The following EIF2S1 variants were observed in gnomAD, a reference collection of about 807,000 sequenced individuals.
The protein encoded by EIF2S1 is eukaryotic translation initiation factor 2 subunit alpha.
EIF2S1 carries 5 observed loss-of-function variants against 33.5 expected under a neutral mutation model. The ratio of observed to expected loss-of-function variants is 0.15; its 90% confidence interval spans 0.08 to 0.31. The LOEUF is 0.31. Among genes scored for constraint, EIF2S1 ranks in the 10% least tolerant of loss-of-function variants. The pLI is 1.00. For synonymous variants in EIF2S1, 99 were observed against 127.5 expected (o/e 0.78, Z 1.51); for missense variants, 191 against 384.6 (o/e 0.50, Z 4.21).
chr14:67,362,951 A>G (rs1478774191), intron 1 of EIF2S1, among the ~76,000 whole-genome samples: 5 of 152,138 alleles, frequency 3.3e-5, no homozygotes, highest in African/African-American at 7.2e-5. Context: ...AATAGTATTC[A>G]TAGTCATATC....
Position 67,368,411 on chromosome 14 carries a change from C to T in EIF2S1, c.241+3403C>T, listed in dbSNP as rs143946193. Among the ~76,000 whole-genome samples the T allele has an allele frequency of 4.5e-3, 692 of 152,182 alleles. 1 individual carries two copies. The highest frequency in any genetic ancestry group is 8.1e-3 in the African/African-American group (337 of 41,516). ...CCTTTGCTGACTCCTCCCCACCTGACGGAGGGGCAGTCTCTCCACAAATGT... is the reference window on the plus strand; with the variant it reads ...CCTTTGCTGACTCCTCCCCACCTGATGGAGGGGCAGTCTCTCCACAAATGT... On this transcript the variant is annotated intron_variant, in intron 2 of 7. Transcript: ENST00000256383.
chr14:67,378,593 C>T (rs1318369833), intron 4 of EIF2S1, among the ~76,000 whole-genome samples: 10 of 152,150 alleles, frequency 6.6e-5, no homozygotes, highest in Admixed American at 6.5e-4. Context: ...ATATTTCTGT[C>T]CTGCAGTCCT....
intron 2 of EIF2S1, among the ~76,000 whole-genome samples, chr14:67,366,758 A>C (rs2085781286): frequency 6.6e-6 from 1 of 152,010 alleles, no homozygotes; most frequent in Non-Finnish European, 1.5e-5. Context: ...AAGTATGAAA[A>C]ATAACTACCT....
In EIF2S1 at chr14:67,383,689, G is replaced by T; in HGVS notation, c.*249G>T. ...CATTTCACTAGAGACAAATCTTTAA[G>T]AATAGTTCTAAAATTGGGCTTGTGA... On this transcript the variant is annotated 3_prime_UTR_variant, in exon 8 of 8. Coordinates refer to ENST00000256383, the MANE Select transcript of EIF2S1 (RefSeq NM_004094.5). The T allele has an allele frequency of 2.4e-6, 1 of 418,348 alleles. No homozygotes were observed. Among genetic ancestry groups the T allele is most frequent in the Non-Finnish European group, 4.4e-6 (1 of 227,112 alleles). 25.9% of individuals were successfully genotyped at this position (418,348 alleles called of 1,614,324 possible). A position where few individuals can be genotyped will look rare whatever the true frequency, so the allele number is the denominator to read the frequency against.
At chr14:67,380,837 C>T (rs2085884147) in intron 5 of EIF2S1, 72 bp downstream of exon 5, 1 of 757,794 alleles carries the variant, frequency 1.3e-6, no homozygotes, top group Non-Finnish European at 2.0e-6. Flanking sequence ...ATGAGACTTA[C>T]CAAAGAATAT....
chr14:67,365,097 TA>T (rs879002099), intron 2 of EIF2S1, 89 bp downstream of exon 2: 13,054 of 1,181,280 alleles, frequency 0.011, 2 homozygotes, highest in South Asian at 0.014. Context: ...AGCTGCAGCT[TA>T]AAAAAAAAAG....
chr14:67,375,528 T>C (rs1294214169), intron 3 of EIF2S1, among the ~76,000 whole-genome samples: 1 of 113,540 alleles, frequency 8.8e-6, no homozygotes, highest in African/African-American at 5.1e-5. Context: ...AGATAAAATA[T>C]CAAAAAAAAA....
intron 1 of EIF2S1, among the ~76,000 whole-genome samples, chr14:67,363,772 A>G (rs564020517): frequency 6.6e-6 from 1 of 152,340 alleles, no homozygotes; most frequent in African/African-American, 2.4e-5. Context: ...GCAGGTGCCA[A>G]TTAATAAGTT....
intron 2 of EIF2S1, among the ~76,000 whole-genome samples, chr14:67,368,175 G>T (rs988773550): frequency 2.6e-5 from 4 of 152,178 alleles, no homozygotes; most frequent in African/African-American, 9.7e-5. Context: ...GCTTTTGTTG[G>T]AGTTTCTGCA....
intron 2 of EIF2S1, among the ~76,000 whole-genome samples, chr14:67,366,157 G>A (rs902150491): frequency 6.6e-6 from 1 of 150,456 alleles, no homozygotes; most frequent in African/African-American, 2.5e-5. Flanking sequence ...ATCATAGGTC[G>A]CTGCAGCCTT....
chr14:67,374,094 T>A (rs1374631936), intron 2 of EIF2S1, among the ~76,000 whole-genome samples: 1 of 152,184 alleles, frequency 6.6e-6, no homozygotes, highest in Non-Finnish European at 1.5e-5. Flanking sequence ...ATCTCTCATC[T>A]TGTACAGATT....
chr14:67,363,327 G>A (rs189524955), intron 1 of EIF2S1, among the ~76,000 whole-genome samples: 4 of 151,400 alleles, frequency 2.6e-5, no homozygotes, highest in Non-Finnish European at 5.9e-5. Flanking sequence ...TAGGGATTTT[G>A]TATTCCCTAC....
chr14:67,373,716 T>G (rs2085839670), intron 2 of EIF2S1, among the ~76,000 whole-genome samples: 1 of 152,124 alleles, frequency 6.6e-6, no homozygotes, highest in African/African-American at 2.4e-5. Flanking sequence ...TGGGGGGCGC[T>G]GTGGGAAAGA....
At chr14:67,381,154 T>C (rs1469892513) in intron 5 of EIF2S1, among the ~76,000 whole-genome samples, 1 of 152,220 alleles carries the variant, frequency 6.6e-6, no homozygotes, top group African/African-American at 2.4e-5. Context: ...CATAGGAATC[T>C]TTCTCATTCT....
chr14:67,366,575 G>C (rs528275991), intron 2 of EIF2S1, among the ~76,000 whole-genome samples: 9 of 152,320 alleles, frequency 5.9e-5, no homozygotes, highest in Admixed American at 5.9e-4. Context: ...GTACAAATGC[G>C]TGCAATGCAA....
At chr14:67,364,580 T>C in intron 1 of EIF2S1, 187 bp from the exon 2 acceptor site, 2 of 546,646 alleles carry the variant, frequency 3.7e-6, no homozygotes, top group Non-Finnish European at 3.1e-6. Context: ...AAATAAAAAT[T>C]AAAGCTTGGT....
In EIF2S1 at chr14:67,383,493, T is replaced by C; in HGVS notation, c.*53T>C. 6.2e-7 allele frequency: 1 copy of C among 1,604,436 alleles called. No individual in the cohort carries two copies. Among genetic ancestry groups the C allele is most frequent in the Non-Finnish European group, 8.5e-7 (1 of 1,174,120 alleles). ...GGAACACAGAGCAGCGCTTCCTGGC[T>C]GTAAATCCTAGACTTGAAAGTTTTC... On this transcript the variant is annotated 3_prime_UTR_variant, in exon 8 of 8. Coordinates refer to ENST00000256383, the MANE Select transcript of EIF2S1 (RefSeq NM_004094.5).
At chr14:67,374,186 A>G (rs1297059065) in intron 2 of EIF2S1, among the ~76,000 whole-genome samples, 1 of 152,202 alleles carries the variant, frequency 6.6e-6, no homozygotes, top group African/African-American at 2.4e-5. Flanking sequence ...GGAAATGTTC[A>G]TTGGAGCATT....
chr14:67,364,427 A>G, intron 1 of EIF2S1: 1 of 189,800 alleles, frequency 5.3e-6, no homozygotes, highest in Non-Finnish European at 1.1e-5. Flanking sequence ...CCATCATTTG[A>G]TATGCCTTAA....
Sources: allele counts gnomAD v4.1 joint callset (sites outside exome capture counted in the v4.1 genomes callset), GRCh38; gene constraint gnomAD v4.1.1; transcripts MANE v1.5; gene names NCBI Gene and HGNC (gene_info 2026-07-23, HGNC 2026-07-21).